The following NAALADL2 variants were observed in gnomAD, a reference collection of about 807,000 sequenced individuals.
NAALADL2 encodes the protein N-acetylated alpha-linked acidic dipeptidase like 2.
NAALADL2 carries 76 observed loss-of-function variants against 87.2 expected under a neutral mutation model. The ratio of observed to expected loss-of-function variants is 0.87; its 90% CI spans 0.72 to 1.05. The LOEUF (loss-of-function observed/expected upper bound fraction) is 1.05. Ranked by LOEUF, NAALADL2 falls within the 50% of genes least tolerant of loss-of-function variation. The pLI is 0.00. For synonymous variants in NAALADL2, 354 were observed against 331.0 expected (o/e 1.07, Z -0.75); for missense variants, 1,089 against 945.8 (o/e 1.15, Z -1.99).
intron 10 of NAALADL2, among the ~76,000 whole-genome samples, chr3:175,592,013 A>G (rs1329495796): frequency 6.6e-6 from 1 of 152,034 alleles, no homozygotes; most frequent in Non-Finnish European, 1.5e-5. Context: ...AGGTCTTACA[A>G]GTCTGCAAAG....
At chr3:174,681,952 A>G (rs1412534372) in intron 2 of NAALADL2, among the ~76,000 whole-genome samples, 3 of 152,160 alleles carry the variant, frequency 2.0e-5, no homozygotes, top group African/African-American at 7.2e-5. Context: ...ATTCACTACA[A>G]GCTAACTGAA....
chr3:174,582,015 T>C (rs1387901721), intron 2 of NAALADL2, among the ~76,000 whole-genome samples: 1 of 152,216 alleles, frequency 6.6e-6, no homozygotes, highest in Non-Finnish European at 1.5e-5. Flanking sequence ...ATTGATTTGA[T>C]TGGCTTAAGC....
At chr3:174,920,528 T>C (rs1735018860) in intron 1 of NAALADL2, among the ~76,000 whole-genome samples, 1 of 152,210 alleles carries the variant, frequency 6.6e-6, no homozygotes, top group African/African-American at 2.4e-5. Context: ...TTTGAGATCT[T>C]GCTCTTAATT....
intron 1 of NAALADL2, among the ~76,000 whole-genome samples, chr3:175,002,398 A>C (rs1748376062): frequency 6.6e-6 from 1 of 152,174 alleles, no homozygotes; most frequent in African/African-American, 2.4e-5. Context: ...GAAGTTCCAT[A>C]ATAAAAGTGA....
chr3:175,122,580 T>A (rs1726315240), intron 2 of NAALADL2, among the ~76,000 whole-genome samples: 1 of 151,770 alleles, frequency 6.6e-6, no homozygotes. Flanking sequence ...ATTCTTAGAA[T>A]TTATCATCTA....
At chr3:175,705,467 TC>T in intron 11 of NAALADL2, among the ~76,000 whole-genome samples, 1 of 151,660 alleles carries the variant, frequency 6.6e-6, no homozygotes, top group Non-Finnish European at 1.5e-5. Context: ...CCCAATTACC[TC>T]ACAAACAAGT....
At chr3:174,824,571 C>T (rs1018660869) in intron 3 of NAALADL2, among the ~76,000 whole-genome samples, 1 of 152,138 alleles carries the variant, frequency 6.6e-6, no homozygotes, top group East Asian at 1.9e-4. Flanking sequence ...ATATATCATG[C>T]ATCCACATAA....
At chr3:174,508,450 G>A (rs1254779506) in intron 1 of NAALADL2, among the ~76,000 whole-genome samples, 1 of 152,036 alleles carries the variant, frequency 6.6e-6, no homozygotes, top group Non-Finnish European at 1.5e-5. Flanking sequence ...TTTCCTTAAT[G>A]ACTAATGTCC....
rs897987666 is a variant in NAALADL2, at chr3:175,549,684, T to C, written c.1654-26357T>C. Among the ~76,000 whole-genome samples, 11 of 152,144 alleles carry C rather than the reference T, an allele frequency of 7.2e-5. 1 individual carries two copies. Among genetic ancestry groups the C allele is most frequent in the Admixed American group, 3.9e-4 (6 of 15,278 alleles). ...AATAATTAGAGTTAATTATTGTTTG[T>C]TCACACATTTACTGAATGTTTATTA... On this transcript the variant is annotated intron_variant, in intron 9 of 13. Coordinates refer to ENST00000454872, the MANE Select transcript of NAALADL2 (RefSeq NM_207015.3).
At chr3:174,701,202 ATAT>A (rs1560155149) in intron 2 of NAALADL2, among the ~76,000 whole-genome samples, 1 of 150,848 alleles carries the variant, frequency 6.6e-6, no homozygotes, top group African/African-American at 2.4e-5. Flanking sequence ...TATAATTATA[ATAT>A]TTCAAAATAG....
At chr3:174,441,573 C>G (rs1714633604) in intron 1 of NAALADL2, among the ~76,000 whole-genome samples, 1 of 152,192 alleles carries the variant, frequency 6.6e-6, no homozygotes, top group African/African-American at 2.4e-5. Flanking sequence ...GGATGGCTTT[C>G]TTAAGGAAGT....
At chr3:175,374,888 A>G (rs1766955479) in intron 5 of NAALADL2, among the ~76,000 whole-genome samples, 1 of 148,644 alleles carries the variant, frequency 6.7e-6, no homozygotes, top group African/African-American at 2.6e-5. Context: ...AAATAAATAA[A>G]TAAATAAATA....
chr3:174,802,914 G>T (rs1215317336), intron 3 of NAALADL2, among the ~76,000 whole-genome samples: 1 of 152,070 alleles, frequency 6.6e-6, no homozygotes. Flanking sequence ...CCAAGTCTTT[G>T]CTCTTGTGAA....
At chr3:175,705,350 A>G (rs1561006900) in intron 11 of NAALADL2, among the ~76,000 whole-genome samples, 1 of 152,020 alleles carries the variant, frequency 6.6e-6, no homozygotes, top group East Asian at 1.9e-4. Flanking sequence ...GACTAGTTGG[A>G]TTTTTTTTAA....
chr3:175,246,119 A>C (rs1747929410), intron 3 of NAALADL2, among the ~76,000 whole-genome samples: 1 of 152,184 alleles, frequency 6.6e-6, no homozygotes, highest in South Asian at 2.1e-4. Context: ...GAATTTTGAA[A>C]TCTTTATCAA....
intron 2 of NAALADL2, among the ~76,000 whole-genome samples, chr3:174,602,079 G>A (rs951534833): frequency 6.6e-6 from 1 of 151,618 alleles, no homozygotes; most frequent in Non-Finnish European, 1.5e-5. Context: ...TCAGGTAACT[G>A]AGCATAGCTT....
intron 10 of NAALADL2, among the ~76,000 whole-genome samples, chr3:175,593,599 G>A (rs1388993771): frequency 6.6e-6 from 1 of 152,082 alleles, no homozygotes; most frequent in Non-Finnish European, 1.5e-5. Context: ...TTCTTCTGAG[G>A]GTGGCAAGGA....
At chr3:174,994,810 T>G (rs1027744805) in intron 1 of NAALADL2, among the ~76,000 whole-genome samples, 1 of 152,192 alleles carries the variant, frequency 6.6e-6, no homozygotes, top group Non-Finnish European at 1.5e-5. Flanking sequence ...TTAATATATT[T>G]TTCAAAGAAT....
At chr3:175,742,686 C>A (rs1160226731) in intron 12 of NAALADL2, among the ~76,000 whole-genome samples, 1 of 152,234 alleles carries the variant, frequency 6.6e-6, no homozygotes, top group African/African-American at 2.4e-5. Flanking sequence ...CGTGAGCCAC[C>A]GCGCCCGGCC....
Sources: gnomAD v4.1 joint callset for allele counts (sites outside exome capture counted in the v4.1 genomes callset) on GRCh38, gnomAD v4.1.1 for gene constraint, MANE v1.5 for transcripts, NCBI Gene and HGNC (gene_info 2026-07-23, HGNC 2026-07-21) for gene names.